Variants in DIP2B observed in about 807,000 individuals in gnomAD.
DIP2B encodes disco-interacting protein 2 homolog B.
In DIP2B, 76 loss-of-function variants were observed where a neutral mutation model predicts 198.0. The observed-to-expected ratio is 0.38, with a 90% CI of 0.32 to 0.46. DIP2B has a LOEUF of 0.46. DIP2B is among the 20% of genes least tolerant of loss of function. DIP2B has a pLI of 0.99. For synonymous variants in DIP2B, 701 were observed against 739.1 expected (o/e 0.95, Z 0.84); for missense variants, 1,559 against 1,978.4 (o/e 0.79, Z 4.02).
intron 28 of DIP2B, among the ~76,000 whole-genome samples, chr12:50,727,146 T>C (rs1477404358): frequency 6.6e-6 from 1 of 152,150 alleles, no homozygotes; most frequent in Non-Finnish European, 1.5e-5. Flanking sequence ...CTAATTTAAC[T>C]TAGAGAAATA....
chr12:50,643,811 T>C (rs976928237), intron 3 of DIP2B, among the ~76,000 whole-genome samples: 2 of 152,022 alleles, frequency 1.3e-5, no homozygotes, highest in Non-Finnish European at 1.5e-5. Context: ...CCTGCAGAGG[T>C]GGAGCAGATA....
At chr12:50,537,951 G>C (rs1787388054) in intron 1 of DIP2B, among the ~76,000 whole-genome samples, 1 of 152,194 alleles carries the variant, frequency 6.6e-6, no homozygotes. Context: ...TGAGGACATA[G>C]AAATGGTGAG....
chr12:50,732,392 C>T lies in DIP2B; in HGVS notation c.3837C>T (p.Val1279=). 1.2e-6 allele frequency: 2 copies of T among 1,614,244 alleles called. No individual in the cohort carries two copies. Among genetic ancestry groups the T allele is most frequent in the Non-Finnish European group, 1.7e-6 (2 of 1,180,044 alleles). The stretch of plus-strand genomic sequence containing the variant: ...CCAGAGGGATCAACCTCTCCTGCGT[C>T]CGGACCTGTGTGGTGGTGGCGGAGG... ...LKTRGINLSC[V]RTCVVVAEER... Residue 1279 remains valine (V), a synonymous_variant, in exon 32 of 38, where the codon GTC becomes GTT. Coordinates refer to ENST00000301180, the MANE Select transcript of DIP2B (RefSeq NM_173602.3).
In DIP2B at chr12:50,680,624, C is replaced by T. The variant is rs747079256; in HGVS notation, c.1115-48C>T. The T allele has an allele frequency of 2.6e-6, 4 of 1,526,180 alleles. No individual in the cohort carries two copies. The Admixed American group carries it at 7.1e-5, about 27-fold the overall frequency. 94.5% of individuals were successfully genotyped at this position (1,526,180 alleles called of 1,614,324 possible). ...TGAATGTTCTTTCATTGAGGTAGAC[C>T]TGTTTTTTTTTCTATATGACTGTTG... On this transcript the variant is annotated intron_variant, in intron 8 of 37. Coordinates refer to ENST00000301180, the MANE Select transcript of DIP2B (RefSeq NM_173602.3).
intron 1 of DIP2B, among the ~76,000 whole-genome samples, chr12:50,585,824 T>C (rs144402081): frequency 1.3e-5 from 2 of 152,344 alleles, no homozygotes; most frequent in African/African-American, 4.8e-5. Context: ...AGAAGGTGAC[T>C]TGCAGTCATC....
At chr12:50,664,195 G>A (rs776239503) in intron 4 of DIP2B, among the ~76,000 whole-genome samples, 1 of 152,054 alleles carries the variant, frequency 6.6e-6, no homozygotes, top group African/African-American at 2.4e-5. Flanking sequence ...TTAATAAAAA[G>A]GATTAAGGAG....
chr12:50,647,463 A>C (rs961828096), intron 3 of DIP2B, among the ~76,000 whole-genome samples: 1 of 152,206 alleles, frequency 6.6e-6, no homozygotes, highest in African/African-American at 2.4e-5. Flanking sequence ...ATGGAAAATT[A>C]AAATATCCCC....
chr12:50,507,889 A>G (rs1403195644), intron 1 of DIP2B, among the ~76,000 whole-genome samples: 1 of 148,718 alleles, frequency 6.7e-6, no homozygotes, highest in African/African-American at 2.5e-5. Flanking sequence ...TCATTTCTCT[A>G]TTTTCATTTT....
intron 3 of DIP2B, among the ~76,000 whole-genome samples, chr12:50,644,444 AACATGAATACTGGAAAATGATACC>A: frequency 6.6e-6 from 1 of 152,316 alleles, no homozygotes. Flanking sequence ...ATTCAGCTCA[AACATGAATACTGGAAAATGATACC>A]CAGCTTCCAC....
rs1938245815 is a variant in DIP2B, at chr12:50,640,933, C to G, written c.301+81C>G. ...CTGTGTATCCTGAGAGCTTCTAATA[C>G]TTGTCTTTTTTTTCCCTATGAGGCA... is the stretch of plus-strand genomic sequence containing the variant. On this transcript the variant is annotated intron_variant, in intron 3 of 37. Coordinates refer to ENST00000301180, the MANE Select transcript of DIP2B (RefSeq NM_173602.3). The G allele has an allele frequency of 3.4e-6, 5 of 1,478,184 alleles. No homozygotes were observed. In the East Asian group the frequency reaches 9.6e-5, roughly 28 times the overall value. The allele number at this position is 1,478,184 out of a possible 1,614,324, so 91.6% of individuals were successfully genotyped here. A position where few individuals can be genotyped will look rare whatever the true frequency, so the allele number is the denominator to read the frequency against.
At chr12:50,681,456 TCATA>T (rs1939039851) in intron 9 of DIP2B, among the ~76,000 whole-genome samples, 1 of 152,006 alleles carries the variant, frequency 6.6e-6, no homozygotes, top group Non-Finnish European at 1.5e-5. Context: ...AAAAAAAGCC[TCATA>T]CATCTTTTAA....
At chr12:50,698,216 A>G in intron 17 of DIP2B, 112 bp from the exon 18 acceptor site, 1 of 1,361,420 alleles carries the variant, frequency 7.3e-7, no homozygotes, top group Non-Finnish European at 9.9e-7. Flanking sequence ...TTGGGAGAGA[A>G]AATGGAGAAT....
chr12:50,628,999 C>G (rs1309413813), intron 2 of DIP2B, among the ~76,000 whole-genome samples: 1 of 152,196 alleles, frequency 6.6e-6, no homozygotes, highest in Non-Finnish European at 1.5e-5. Flanking sequence ...CCGCCTCACC[C>G]TCCCAAGTAG....
At chr12:50,734,050 A>G in intron 32 of DIP2B, 85 bp from the exon 33 acceptor site, 1 of 1,466,360 alleles carries the variant, frequency 6.8e-7, no homozygotes, top group Non-Finnish European at 9.6e-7. Flanking sequence ...TTTTTCATGT[A>G]TATGGCTAAA....
intron 1 of DIP2B, among the ~76,000 whole-genome samples, chr12:50,550,441 A>ACT (rs1958417759): frequency 6.6e-6 from 1 of 152,050 alleles, no homozygotes; most frequent in Non-Finnish European, 1.5e-5. Flanking sequence ...GAACGATTAG[A>ACT]CTCTAAGATA....
intron 34 of DIP2B, 92 bp downstream of exon 34, chr12:50,735,222 C>A: frequency 7.2e-7 from 1 of 1,390,454 alleles, no homozygotes; most frequent in Non-Finnish European, 1.0e-6. Flanking sequence ...TATTAGTGTC[C>A]AGGGCAAGCC....
In DIP2B at chr12:50,697,162, G is replaced by A. The variant is rs1195474778; in HGVS notation, c.2035G>A (p.Val679Ile). 1 of 1,613,854 alleles carries A rather than the reference G, an allele frequency of 6.2e-7. No homozygotes were observed. Among genetic ancestry groups the A allele is most frequent in the Non-Finnish European group, 8.5e-7 (1 of 1,179,912 alleles). The change falls in exon 17 of 38, where the codon GTA (valine) becomes ATA (isoleucine). Residue 679 changes from valine to isoleucine, a missense_variant. Physicochemically the swap from Val to Ile is conservative, Grantham distance 29 (BLOSUM62 3). Coordinates refer to ENST00000301180, the MANE Select transcript of DIP2B (RefSeq NM_173602.3). ...PCATSAEAMT[V>I]AIRRPGVPGA... ...CGCCACGTCTGCTGAAGCCATGACT[G>A]TAGCAATCCGCAGGTACTGTTCAGG...
At chr12:50,719,776 G>C (rs1293851946) in intron 25 of DIP2B, among the ~76,000 whole-genome samples, 1 of 151,450 alleles carries the variant, frequency 6.6e-6, no homozygotes, top group Admixed American at 6.6e-5. Context: ...GGGAGGCGGA[G>C]GTTGCAGTGA....
At chr12:50,698,854 G>A (rs1939365950) in intron 18 of DIP2B, among the ~76,000 whole-genome samples, 1 of 152,144 alleles carries the variant, frequency 6.6e-6, no homozygotes, top group African/African-American at 2.4e-5. Context: ...TTTGGGCTTT[G>A]CATTCATCGT....
Sources: gnomAD v4.1 joint callset for allele counts (sites outside exome capture counted in the v4.1 genomes callset) on GRCh38, gnomAD v4.1.1 for gene constraint, MANE v1.5 for transcripts, NCBI Gene and HGNC (gene_info 2026-07-23, HGNC 2026-07-21) for gene names.